Variants in POLE observed in about 807,000 individuals in gnomAD.
POLE encodes DNA polymerase epsilon, catalytic subunit, also known as DNA polymerase epsilon catalytic subunit A.
In POLE, 188 loss-of-function variants were observed where a neutral mutation model predicts 279.2. The ratio of observed to expected loss-of-function variants is 0.67; its 90% confidence interval spans 0.60 to 0.76. POLE has a LOEUF of 0.76. POLE is among the 30% of genes least tolerant of loss of function. The probability of loss-of-function intolerance (pLI) is 0.00; values close to 1 mark genes in which losing one functional copy is unlikely to be tolerated. For missense variants in POLE, 2,703 were observed against 3,016.7 expected (o/e 0.90, Z 2.44); for synonymous variants, 1,214 against 1,172.5 (o/e 1.04, Z -0.72).
chr12:132,679,374 G>A (rs2136026511), intron 6 of POLE, 123 bp downstream of exon 6: 1 of 894,616 alleles, frequency 1.1e-6, no homozygotes, highest in East Asian at 2.5e-5. Flanking sequence ...CTACCTAATT[G>A]CTCAAGTTTT....
rs775356776 is a variant in POLE, at chr12:132,634,865, G to A, written c.5812-487C>T. On this transcript the variant is annotated intron_variant, in intron 42 of 48. Coordinates refer to ENST00000320574, the MANE Select transcript of POLE (RefSeq NM_006231.4). The surrounding 1 kb of genome is among the most constrained non-coding windows in gnomAD (Gnocchi z 4.0). Reference sequence around the variant, plus strand: ...CACACGCTGATCCCCTCCTCAGAGCGGTCTACACTGCCTGAGTTTCTACCC... The same window carrying A: ...CACACGCTGATCCCCTCCTCAGAGCAGTCTACACTGCCTGAGTTTCTACCC... 4.6e-5 allele frequency among the ~76,000 whole-genome samples: 7 copies of A among 152,020 alleles called. No homozygotes were observed. The highest frequency in any genetic ancestry group is 9.7e-5 in the African/African-American group (4 of 41,396).
intron 3 of POLE, 150 bp downstream of exon 3, chr12:132,680,457 C>T (rs922243828): frequency 1.5e-5 from 10 of 688,262 alleles, no homozygotes; most frequent in East Asian, 7.8e-5. Context: ...GGACATCTTA[C>T]GTGATGACTG....
chr12:132,654,669 A>G (rs1214189898), intron 29 of POLE, among the ~76,000 whole-genome samples: 5 of 152,202 alleles, frequency 3.3e-5, no homozygotes. Flanking sequence ...GTGTGCGCCT[A>G]TAGTCCCAGC....
intron 41 of POLE, 139 bp downstream of exon 41, chr12:132,637,875 T>C (rs2042065061): frequency 1.1e-6 from 1 of 906,006 alleles, no homozygotes; most frequent in Non-Finnish European, 1.6e-6. Flanking sequence ...CTTTTCACGC[T>C]GCTCAGATTC....
At chr12:132,636,441 G>GAAAAAA (rs60289510) in intron 41 of POLE, among the ~76,000 whole-genome samples, 3 of 44,468 alleles carry the variant, frequency 6.7e-5, no homozygotes, top group Admixed American at 2.7e-4. Context: ...TCCATTTAAG[G>GAAAAAA]AAAAAAAAAA....
At chr12:132,676,231 C>G in intron 9 of POLE, 27 bp from the exon 10 acceptor site, 1 of 1,501,298 alleles carries the variant, frequency 6.7e-7, no homozygotes, top group Non-Finnish European at 9.3e-7. Context: ...GCAATCAGCA[C>G]AAGTCAGAGG....
rs757296864 is a variant in POLE, at chr12:132,668,834, T to C, written c.1900A>G (p.Ile634Val). The change falls in exon 17 of 49, where the codon ATC becomes GTC. Residue 634 changes from isoleucine to valine, a missense_variant. Physicochemically the swap from Ile to Val is conservative, Grantham distance 29 (BLOSUM62 3). Coordinates refer to ENST00000320574, the MANE Select transcript of POLE (RefSeq NM_006231.4). The surrounding 1 kb of genome is among the most constrained non-coding windows in gnomAD (Gnocchi z 4.0). Reference protein sequence around the residue: ...HLDVGAMYPNIILTNRLQPSA... With the variant: ...HLDVGAMYPNVILTNRLQPSA... ...ACCTGCAGGCGGTTGGTCAGGATGA[T>C]GTTGGGGTACATGGCCCCCACGTCC... 3.7e-6 allele frequency: 6 copies of C among 1,614,054 alleles called. No homozygotes were observed. The highest frequency in any genetic ancestry group is 3.4e-6 in the Non-Finnish European group (4 of 1,180,028).
intron 29 of POLE, among the ~76,000 whole-genome samples, chr12:132,655,504 T>C (rs2042513441): frequency 6.6e-6 from 1 of 152,250 alleles, no homozygotes; most frequent in Admixed American, 6.5e-5. Context: ...TCTAGTTAGT[T>C]GATTGTGTCA....
rs1057523175 is a variant in POLE, at chr12:132,632,483, A to G, written c.6162T>C (p.Tyr2054=). The change falls in exon 45 of 49, where the codon TAT becomes TAC. Residue 2054 remains tyrosine (Y), a synonymous_variant. Coordinates refer to ENST00000320574, the MANE Select transcript of POLE (RefSeq NM_006231.4). ...AGCTCTGAGTGAGCTCATTTGCGAC[A>G]TAATCCTGAGAGAAGGTGATCATTC... ...LPGMITFSQD[Y]VANELTQSFF... 1.2e-6 allele frequency: 2 copies of G among 1,614,170 alleles called. No homozygotes were observed. The highest frequency in any genetic ancestry group is 1.7e-6 in the Non-Finnish European group (2 of 1,179,996).
intron 47 of POLE, 119 bp downstream of exon 47, chr12:132,625,526 G>C: frequency 7.7e-7 from 1 of 1,291,238 alleles, no homozygotes; most frequent in Non-Finnish European, 1.1e-6. Context: ...CTGCAGGGCA[G>C]GCCCCTTGGA....
chr12:132,630,523 G>T (rs537987748), intron 45 of POLE, among the ~76,000 whole-genome samples: 1 of 152,234 alleles, frequency 6.6e-6, no homozygotes, highest in Admixed American at 6.5e-5. Context: ...GCCGAAGCAG[G>T]TGGATCACTT....
At chr12:132,662,685 C>T (rs193141772) in intron 23 of POLE, among the ~76,000 whole-genome samples, 37 of 152,232 alleles carry the variant, frequency 2.4e-4, no homozygotes, top group African/African-American at 8.9e-4. Flanking sequence ...AGGGAAAATA[C>T]AAGATGAGGC....
intron 29 of POLE, among the ~76,000 whole-genome samples, chr12:132,655,153 T>C (rs529470967): frequency 6.6e-6 from 1 of 152,344 alleles, no homozygotes; most frequent in South Asian, 2.1e-4. Context: ...AACTTAATTT[T>C]CTATTTGTTT....
intron 41 of POLE, among the ~76,000 whole-genome samples, chr12:132,636,864 C>T (rs4883539): frequency 0.35 from 52,943 of 152,176 alleles, 9,780 homozygotes; most frequent in East Asian, 0.69. Flanking sequence ...TAGCCCACAT[C>T]GCAGCTCCTG....
At chr12:132,658,827 G>A (rs1185160923) in intron 26 of POLE, among the ~76,000 whole-genome samples, 1 of 125,626 alleles carries the variant, frequency 8.0e-6, no homozygotes, top group Non-Finnish European at 1.6e-5. Flanking sequence ...CCTTATTCTG[G>A]TGTTCATCAA....
At chr12:132,636,598 A>G (rs988156716) in intron 41 of POLE, among the ~76,000 whole-genome samples, 6 of 152,126 alleles carry the variant, frequency 3.9e-5, no homozygotes, top group African/African-American at 1.4e-4. Flanking sequence ...TCTACAAAAA[A>G]TACAAAAATT....
At position 132,631,102 on chromosome 12, in the gene POLE, C is replaced by A. The variant is rs547502481; in HGVS notation, c.6330+1213G>T. On this transcript the variant is annotated intron_variant, in intron 45 of 48. Coordinates refer to ENST00000320574, the MANE Select transcript of POLE (RefSeq NM_006231.4). The stretch of plus-strand genomic sequence containing the variant: ...AAAAGCAAGCTGTGGTTTGCCCACA[C>A]AATGGACACTGCTCGCAACAGAAAG... Among the ~76,000 whole-genome samples, 6 of 152,356 alleles carry A rather than the reference C, an allele frequency of 3.9e-5. No individual in the cohort carries two copies. In the South Asian group the frequency reaches 1.2e-3, roughly 32 times the overall value.
intron 46 of POLE, 98 bp from the exon 47 acceptor site, chr12:132,625,868 T>G: frequency 1.3e-6 from 2 of 1,499,518 alleles, no homozygotes. Context: ...GAGAAGCGCC[T>G]GGTGACGGGC....
At position 132,642,832 on chromosome 12, in the gene POLE, C is replaced by T. The variant is rs138782478; in HGVS notation, c.4716G>A (p.Leu1572=). The T allele has an allele frequency of 7.4e-6, 12 of 1,614,012 alleles. No individual in the cohort carries two copies. The African/African-American group carries it at 1.3e-4, about 18-fold the overall frequency. The change falls in exon 36 of 49, where the codon CTG becomes CTA. Residue 1572 remains leucine (L), a synonymous_variant. Transcript: ENST00000320574. ...KTICRAIQRF[L]LAYKEERRGP... is the part of the protein sequence containing the mutation. ...CAACCACTCTCACCTTGTAGGCGAG[C>T]AGGAATCGCTGGATGGCTCTGCAGA...
Sources: gnomAD v4.1 joint callset for allele counts (sites outside exome capture counted in the v4.1 genomes callset) on GRCh38, gnomAD v4.1.1 for gene constraint, Gnocchi (gnomAD v3.1) non-coding constraint, MANE v1.5 for transcripts, NCBI Gene and HGNC (gene_info 2026-07-23, HGNC 2026-07-21) for gene names.